The following PPP1R13B variants were observed in gnomAD, a reference collection of about 807,000 sequenced individuals.
PPP1R13B encodes the protein apoptosis-stimulating of p53 protein 1.
In PPP1R13B, 44 loss-of-function variants were observed where a neutral mutation model predicts 119.8. The ratio of observed to expected loss-of-function variants is 0.37; its 90% CI spans 0.29 to 0.47. The LOEUF is 0.47. Among genes scored for constraint, PPP1R13B ranks in the 20% least tolerant of loss-of-function variants. The pLI is 0.99. For synonymous variants in PPP1R13B, 542 were observed against 561.5 expected (o/e 0.97, Z 0.49); for missense variants, 1,227 against 1,413.5 (o/e 0.87, Z 2.12).
chr14:103,797,207 A>T (rs2085780189), intron 2 of PPP1R13B, 164 bp downstream of exon 2: 1 of 565,546 alleles, frequency 1.8e-6, no homozygotes, highest in East Asian at 3.1e-5. Flanking sequence ...GATAACTAAG[A>T]ACTACAAGCA....
At chr14:103,835,485 C>G (rs2086754457) in intron 1 of PPP1R13B, among the ~76,000 whole-genome samples, 1 of 149,308 alleles carries the variant, frequency 6.7e-6, no homozygotes, top group African/African-American at 2.5e-5. Context: ...GACTGAAGTA[C>G]AGTGGTGTGA....
chr14:103,761,551 C>T (rs910319184), intron 4 of PPP1R13B, among the ~76,000 whole-genome samples: 2 of 152,128 alleles, frequency 1.3e-5, no homozygotes, highest in African/African-American at 4.8e-5. Context: ...ATCACGAGGT[C>T]AGGAGTTCAA....
intron 4 of PPP1R13B, 118 bp from the exon 5 acceptor site, chr14:103,757,869 C>A: frequency 1.5e-6 from 1 of 655,526 alleles, no homozygotes; most frequent in South Asian, 2.5e-5. Context: ...AGGAGAGTAC[C>A]AACTAGTTTA....
chr14:103,809,299 G>A (rs2086092298), intron 1 of PPP1R13B, among the ~76,000 whole-genome samples: 2 of 152,114 alleles, frequency 1.3e-5, no homozygotes, highest in South Asian at 4.1e-4. Context: ...ACATTATACA[G>A]TATTCCTGGG....
chr14:103,791,365 C>T (rs2085616533), intron 2 of PPP1R13B, among the ~76,000 whole-genome samples: 1 of 152,156 alleles, frequency 6.6e-6, no homozygotes, highest in Admixed American at 6.6e-5. Context: ...TCTGTCTGTG[C>T]TTAGCTCAAG....
intron 1 of PPP1R13B, among the ~76,000 whole-genome samples, chr14:103,800,327 C>T (rs4900597): frequency 0.29 from 44,158 of 151,652 alleles, 6,909 homozygotes; most frequent in Non-Finnish European, 0.34. Flanking sequence ...TCTCTGCATT[C>T]GAGTAAGCAT....
chr14:103,768,838 G>C (rs954641180), intron 4 of PPP1R13B, among the ~76,000 whole-genome samples: 1 of 152,126 alleles, frequency 6.6e-6, no homozygotes, highest in Non-Finnish European at 1.5e-5. Context: ...CCAAAGTGCA[G>C]GATTACAGGT....
chr14:103,836,403 C>G (rs2086778890), intron 1 of PPP1R13B, among the ~76,000 whole-genome samples: 1 of 152,086 alleles, frequency 6.6e-6, no homozygotes, highest in Admixed American at 6.6e-5. Flanking sequence ...ACAATCCTAA[C>G]AGTATCATGA....
intron 1 of PPP1R13B, among the ~76,000 whole-genome samples, chr14:103,842,121 T>C (rs1401937254): frequency 1.3e-5 from 2 of 152,156 alleles, no homozygotes; most frequent in African/African-American, 2.4e-5. Context: ...CTAGAATAAG[T>C]AAATATTTAA....
chr14:103,799,165 AATTTT>A (rs558353128), intron 1 of PPP1R13B, among the ~76,000 whole-genome samples: 1 of 151,098 alleles, frequency 6.6e-6, no homozygotes, highest in East Asian at 2.0e-4. Context: ...ACGCCCAGCT[AATTTT>A]ATTTTATTTT....
chr14:103,798,482 T>C (rs1025384978), intron 1 of PPP1R13B, among the ~76,000 whole-genome samples: 1 of 151,870 alleles, frequency 6.6e-6, no homozygotes, highest in African/African-American at 2.4e-5. Context: ...AAAAACAAGG[T>C]AGGGGAAAAC....
chr14:103,830,530 G>A (rs1210505604), intron 1 of PPP1R13B, among the ~76,000 whole-genome samples: 1 of 152,192 alleles, frequency 6.6e-6, no homozygotes, highest in Non-Finnish European at 1.5e-5. Flanking sequence ...CAAGATTACA[G>A]GGCTAGGAAA....
At chr14:103,845,502 GA>G (rs923943422) in intron 1 of PPP1R13B, among the ~76,000 whole-genome samples, 1 of 152,006 alleles carries the variant, frequency 6.6e-6, no homozygotes, top group Non-Finnish European at 1.5e-5. Flanking sequence ...ATTGTTTTGA[GA>G]AATCCGAAGA....
intron 1 of PPP1R13B, among the ~76,000 whole-genome samples, chr14:103,824,532 A>G (rs2086491007): frequency 1.3e-5 from 2 of 151,482 alleles, no homozygotes; most frequent in Admixed American, 1.3e-4. Flanking sequence ...CATCTCTACT[A>G]AAAAAGTACA....
intron 8 of PPP1R13B, chr14:103,746,780 C>T (rs1567089939): frequency 2.6e-6 from 1 of 383,898 alleles, no homozygotes; most frequent in Non-Finnish European, 4.7e-6. Flanking sequence ...GAGCTGTACA[C>T]ATGAGGAGCT....
chr14:103,783,761 G>T (rs2085389265), intron 3 of PPP1R13B, among the ~76,000 whole-genome samples: 1 of 152,004 alleles, frequency 6.6e-6, no homozygotes, highest in South Asian at 2.1e-4. Flanking sequence ...ATGCTTCCCA[G>T]GATGGTCTCG....
intron 1 of PPP1R13B, among the ~76,000 whole-genome samples, chr14:103,828,891 C>T (rs1382865609): frequency 2.0e-5 from 3 of 152,208 alleles, no homozygotes; most frequent in African/African-American, 7.2e-5. Flanking sequence ...CATGCGTCTT[C>T]ATTCTATAAG....
intron 4 of PPP1R13B, among the ~76,000 whole-genome samples, chr14:103,773,178 G>T (rs992534395): frequency 1.3e-5 from 2 of 151,998 alleles, no homozygotes; most frequent in African/African-American, 4.8e-5. Context: ...ACTGAAAGAT[G>T]AATCTTAGGA....
chr14:103,767,317 AAAAT>A (rs1312091285), intron 4 of PPP1R13B, among the ~76,000 whole-genome samples: 3 of 152,122 alleles, frequency 2.0e-5, no homozygotes, highest in African/African-American at 7.2e-5. Flanking sequence ...CTGTCTCTTT[AAAAT>A]AAATAAATAA....
Sources: allele counts gnomAD v4.1 joint callset (sites outside exome capture counted in the v4.1 genomes callset), GRCh38; gene constraint gnomAD v4.1.1; transcripts MANE v1.5; gene names NCBI Gene and HGNC (gene_info 2026-07-23, HGNC 2026-07-21).